The following DIDO1 variants were observed in gnomAD, a reference collection of about 807,000 sequenced individuals.
DIDO1 encodes the protein death-inducer obliterator 1.
A neutral mutation model predicts 99.4 loss-of-function variants in DIDO1; 16 were observed. The ratio of observed to expected loss-of-function variants is 0.16; its 90% CI spans 0.11 to 0.24. The LOEUF is 0.24. Among genes scored for constraint, DIDO1 ranks in the 10% least tolerant of loss-of-function variants. The pLI is 1.00. For synonymous variants in DIDO1, 1,366 were observed against 1,239.1 expected (o/e 1.10, Z -2.15); for missense variants, 2,996 against 3,014.0 (o/e 0.99, Z 0.14).
At chr20:62,908,629 C>T (rs2064858517) in intron 4 of DIDO1, among the ~76,000 whole-genome samples, 2 of 152,286 alleles carry the variant, frequency 1.3e-5, no homozygotes, top group Admixed American at 1.3e-4. Flanking sequence ...AATCAGTTTT[C>T]CTCCACAGAA....
At chr20:62,882,597 C>A (rs1260506832) in intron 15 of DIDO1, among the ~76,000 whole-genome samples, 183 bp from the exon 16 acceptor site, 2 of 152,130 alleles carry the variant, frequency 1.3e-5, no homozygotes, top group Non-Finnish European at 2.9e-5. Flanking sequence ...CCCAGGAACG[C>A]ACCGCCCCGG....
intron 8 of DIDO1, among the ~76,000 whole-genome samples, chr20:62,895,576 G>A (rs916000117): frequency 1.3e-5 from 2 of 152,244 alleles, no homozygotes; most frequent in Non-Finnish European, 2.9e-5. Context: ...GTTTAGGGCT[G>A]TTCAATGGTG....
chr20:62,936,121 T>C (rs2147618269), intron 1 of DIDO1, among the ~76,000 whole-genome samples: 1 of 152,308 alleles, frequency 6.6e-6, no homozygotes, highest in Non-Finnish European at 1.5e-5. Flanking sequence ...CACTTTCTCC[T>C]TGACGTTCAG....
intron 6 of DIDO1, among the ~76,000 whole-genome samples, chr20:62,901,389 C>G (rs767578703): frequency 4.6e-5 from 7 of 152,242 alleles, no homozygotes; most frequent in Non-Finnish European, 1.0e-4. Flanking sequence ...TTCCACTCAA[C>G]TGCAATTTCA....
rs200465867 is a variant in DIDO1, at chr20:62,890,953, C to T, written c.3541+7G>A. The stretch of plus-strand genomic sequence containing the variant: ...GCCTCACCTCCACCCAGAAAGCCGG[C>T]GCTTACCTGGTCCCTCAAAGGGCAA... On this transcript the variant is annotated splice_region_variant and intron_variant, in intron 15 of 15. Coordinates refer to ENST00000395343, the MANE Select transcript of DIDO1 (RefSeq NM_001193369.2). The T allele has an allele frequency of 5.3e-5, 85 of 1,613,566 alleles. No homozygotes were observed. The African/African-American group carries it at 5.6e-4, about 11-fold the overall frequency.
intron 6 of DIDO1, among the ~76,000 whole-genome samples, chr20:62,903,518 T>C (rs972585251): frequency 4.9e-4 from 75 of 152,236 alleles, no homozygotes; most frequent in Non-Finnish European, 8.7e-4. Flanking sequence ...GGCAGGGGCC[T>C]CAAAGGCATA....
chr20:62,929,333 G>A (rs2065299664), upstream of DIDO1: 1 of 152,338 alleles, frequency 6.6e-6, no homozygotes, highest in Non-Finnish European at 1.5e-5. Flanking sequence ...CAGCGGGGGA[G>A]GGGCACGGGG....
intron 2 of DIDO1, among the ~76,000 whole-genome samples, chr20:62,912,576 C>T (rs559448760): frequency 5.1e-4 from 77 of 152,014 alleles, no homozygotes; most frequent in African/African-American, 1.8e-3. Flanking sequence ...AACTTTTACT[C>T]TTGTTGAAAT....
chr20:62,927,213 CCCA>C (rs2065271518), upstream of DIDO1, among the ~76,000 whole-genome samples: 1 of 152,174 alleles, frequency 6.6e-6, no homozygotes. Context: ...TCTGCCTCCT[CCCA>C]CCATGTCAAT....
chr20:62,920,532 T>C (rs1261393465), intron 1 of DIDO1, among the ~76,000 whole-genome samples: 1 of 152,204 alleles, frequency 6.6e-6, no homozygotes, highest in Non-Finnish European at 1.5e-5. Flanking sequence ...CCACTAAAAA[T>C]TGTTCAAAGA....
chr20:62,896,920 G>A lies in DIDO1; in HGVS notation c.1665C>T (p.Ser555=), dbSNP rs142748214. The change falls in exon 7 of 16, where the codon TCC becomes TCT. Residue 555 remains serine (S), a synonymous_variant. Transcript: ENST00000395343. The surrounding 1 kb of genome is among the most constrained non-coding windows in gnomAD (Gnocchi z 4.4). The part of the protein sequence containing the change: ...AASKKTAPPG[S]AVGKQPAPRN... ...TAGGTGCAGGCTGCTTGCCCACCGC[G>A]GAGCCTGGAGGGGCTGTTTTCTTTG... 237 of 1,613,940 alleles carry A rather than the reference G, an allele frequency of 1.5e-4. No individual in the cohort carries two copies. Among genetic ancestry groups the A allele is most frequent in the Non-Finnish European group, 1.8e-4 (216 of 1,179,972 alleles).
intron 4 of DIDO1, among the ~76,000 whole-genome samples, chr20:62,908,651 T>C (rs2064859064): frequency 6.6e-6 from 1 of 152,202 alleles, no homozygotes; most frequent in African/African-American, 2.4e-5. Flanking sequence ...CTAAGTTTTA[T>C]TGAGAATACA....
chr20:62,926,355 T>A (rs1459092587), intron 1 of DIDO1, 84 bp downstream of exon 1: 1 of 151,704 alleles, frequency 6.6e-6, no homozygotes, highest in Non-Finnish European at 1.5e-5. Flanking sequence ...CGGGCTCCGA[T>A]GCCGGCCCCG....
chr20:62,886,923 C>G (rs1173522285), intron 15 of DIDO1, among the ~76,000 whole-genome samples: 6 of 152,368 alleles, frequency 3.9e-5, no homozygotes, highest in African/African-American at 1.2e-4. Flanking sequence ...CACACACACA[C>G]AGACCCTCCC....
At chr20:62,898,159 G>T (rs570867085) in intron 6 of DIDO1, among the ~76,000 whole-genome samples, 1 of 152,296 alleles carries the variant, frequency 6.6e-6, no homozygotes, top group South Asian at 2.1e-4. Flanking sequence ...CTCCCCCGTC[G>T]TCTTACTGAC....
intron 15 of DIDO1, among the ~76,000 whole-genome samples, chr20:62,886,661 T>C (rs2064302148): frequency 6.6e-6 from 1 of 152,104 alleles, no homozygotes; most frequent in South Asian, 2.1e-4. Flanking sequence ...ACCCGAAACC[T>C]GACTCCTCCC....
At chr20:62,927,023 C>G (rs368638330), upstream of DIDO1, among the ~76,000 whole-genome samples, 31 of 151,024 alleles carry the variant, frequency 2.1e-4, 1 homozygote, top group African/African-American at 7.6e-4. Flanking sequence ...GGGCGAGGTC[C>G]AGGTGTGGGC....
At chr20:62,933,185 T>A (rs1400072243) in intron 1 of DIDO1, among the ~76,000 whole-genome samples, 1 of 152,190 alleles carries the variant, frequency 6.6e-6, no homozygotes, top group Non-Finnish European at 1.5e-5. Context: ...CACTCCAGCC[T>A]GGGCAACAAG....
rs1352105245 is a variant in DIDO1 at position 62,880,032 on chromosome 20, G to A, written c.5924C>T (p.Pro1975Leu). Residue 1975 changes from proline (P) to leucine (L), a missense_variant, in exon 16 of 16, where the codon CCA becomes CTA. Pro to Leu is a moderately conservative substitution (Grantham distance 98). Transcript: ENST00000395343. ...QQFEDQRVHS[P>L]PRFTNQRAPA... is the part of the protein sequence containing the mutation. Reference sequence around the variant, plus strand: ...CGCCCTTTGGTTTGTGAATCTTGGTGGTGAATGGACCCTCTGGTCTTCGAA... The same window carrying A: ...CGCCCTTTGGTTTGTGAATCTTGGTAGTGAATGGACCCTCTGGTCTTCGAA... 2 of 1,611,324 alleles carry A rather than the reference G, an allele frequency of 1.2e-6. No homozygotes were observed. Among genetic ancestry groups the A allele is most frequent in the South Asian group, 2.2e-5 (2 of 91,086 alleles).
Sources: gnomAD v4.1 joint callset for allele counts (sites outside exome capture counted in the v4.1 genomes callset) on GRCh38, gnomAD v4.1.1 for gene constraint, Gnocchi (gnomAD v3.1) non-coding constraint, MANE v1.5 for transcripts, NCBI Gene and HGNC (gene_info 2026-07-23, HGNC 2026-07-21) for gene names.